DLGAP1: variants seen among roughly 807,000 people sequenced by gnomAD.
DLGAP1 encodes the protein DLG associated protein 1.
DLGAP1 carries 11 observed loss-of-function variants against 90.8 expected under a neutral mutation model. The observed-to-expected ratio is 0.12, with a 90% confidence interval of 0.08 to 0.20. The LOEUF (loss-of-function observed/expected upper bound fraction) is 0.20. Among genes scored for constraint, DLGAP1 ranks in the 10% least tolerant of loss-of-function variants. The pLI, the probability that DLGAP1 is intolerant of heterozygous loss-of-function variation, is 1.00. For missense variants in DLGAP1, 1,050 were observed against 1,333.8 expected, an observed-to-expected ratio of 0.79 and a Z score of 3.31; for synonymous variants, 558 against 540.7, an observed-to-expected ratio of 1.03 and a Z score of -0.44.
intron 5 of DLGAP1, among the ~76,000 whole-genome samples, chr18:3,777,559 A>C (rs957570071): frequency 6.6e-6 from 1 of 152,230 alleles, no homozygotes; most frequent in African/African-American, 2.4e-5. Flanking sequence ...CATATTGAGA[A>C]TAAAGGAAGC....
intron 9 of DLGAP1, among the ~76,000 whole-genome samples, chr18:3,556,292 G>A (rs886539603): frequency 1.8e-5 from 1 of 55,254 alleles, no homozygotes; most frequent in Non-Finnish European, 4.9e-5. Flanking sequence ...AACCTACACT[G>A]GCTGTCATTA....
intron 7 of DLGAP1, among the ~76,000 whole-genome samples, chr18:3,663,226 A>G (rs755838191): frequency 5.3e-5 from 8 of 152,040 alleles, no homozygotes; most frequent in Non-Finnish European, 7.4e-5. Context: ...AGCCGAGATC[A>G]TGCCATTGTA....
intron 1 of DLGAP1, among the ~76,000 whole-genome samples, chr18:4,212,040 T>A (rs2077852499): frequency 6.6e-6 from 1 of 152,200 alleles, no homozygotes; most frequent in African/African-American, 2.4e-5. Context: ...CCACACTTCA[T>A]ACATACAGTT....
intron 2 of DLGAP1, among the ~76,000 whole-genome samples, chr18:4,034,394 T>C (rs2074855088): frequency 6.6e-6 from 1 of 152,118 alleles, no homozygotes; most frequent in Non-Finnish European, 1.5e-5. Context: ...AAGATATTAT[T>C]AATCACATTA....
intron 4 of DLGAP1, among the ~76,000 whole-genome samples, chr18:3,832,783 T>C (rs1028487273): frequency 6.6e-6 from 1 of 152,000 alleles, no homozygotes; most frequent in African/African-American, 2.4e-5. Flanking sequence ...GGAAGAAGTC[T>C]GAAACAGAAA....
At chr18:3,808,372 T>C (rs1418265966) in intron 5 of DLGAP1, among the ~76,000 whole-genome samples, 2 of 152,078 alleles carry the variant, frequency 1.3e-5, no homozygotes, top group Non-Finnish European at 2.9e-5. Context: ...GTATAGAGGA[T>C]AATAGAAGAA....
intron 1 of DLGAP1, among the ~76,000 whole-genome samples, chr18:4,441,787 G>A (rs989217539): frequency 9.2e-5 from 14 of 152,154 alleles, no homozygotes; most frequent in African/African-American, 2.9e-4. Flanking sequence ...ATACATTTCT[G>A]ACAGTTATCA....
chr18:3,945,203 T>C (rs1485993292), intron 3 of DLGAP1, among the ~76,000 whole-genome samples: 1 of 152,188 alleles, frequency 6.6e-6, no homozygotes, highest in Non-Finnish European at 1.5e-5. Flanking sequence ...TTTAAAGAGT[T>C]AACACATATA....
At chr18:3,914,064 G>C (rs907673900) in intron 3 of DLGAP1, among the ~76,000 whole-genome samples, 1 of 152,174 alleles carries the variant, frequency 6.6e-6, no homozygotes, top group Admixed American at 6.5e-5. Flanking sequence ...TTTATGGGTG[G>C]GGGGAATATT....
chr18:3,906,434 G>T lies in DLGAP1; in HGVS notation c.-72-26294C>A, dbSNP rs149674852. On this transcript the variant is annotated intron_variant, in intron 3 of 12. Transcript: ENST00000315677. ...ACCTAATCCACTCACCAGCTTAAGG[G>T]ACACTCTTTATTCCCCCTGAAAACA... 1.8e-3 allele frequency among the ~76,000 whole-genome samples: 276 copies of T among 152,208 alleles called. 1 individual carries two copies. The highest frequency in any genetic ancestry group is 3.1e-3 in the Non-Finnish European group (212 of 68,018).
At chr18:3,925,716 A>G (rs954185524) in intron 3 of DLGAP1, among the ~76,000 whole-genome samples, 9 of 152,230 alleles carry the variant, frequency 5.9e-5, no homozygotes, top group African/African-American at 2.2e-4. Context: ...AAGAAAAAAA[A>G]CCCAATAAAG....
At chr18:3,536,631 A>G (rs1315245966) in intron 9 of DLGAP1, among the ~76,000 whole-genome samples, 1 of 152,184 alleles carries the variant, frequency 6.6e-6, no homozygotes, top group Non-Finnish European at 1.5e-5. Context: ...CGCAAACATC[A>G]GCTTATAGTT....
intron 1 of DLGAP1, among the ~76,000 whole-genome samples, chr18:4,202,797 C>T (rs1172514051): frequency 1.3e-5 from 2 of 152,074 alleles, no homozygotes; most frequent in Non-Finnish European, 2.9e-5. Context: ...AGTGGTTTTA[C>T]AATAAGATTT....
At chr18:4,391,190 T>A (rs556639345) in intron 1 of DLGAP1, among the ~76,000 whole-genome samples, 1 of 152,298 alleles carries the variant, frequency 6.6e-6, no homozygotes, top group African/African-American at 2.4e-5. Flanking sequence ...CTTTCTCAAA[T>A]GCAAGCATTT....
Position 3,519,114 on chromosome 18 carries a change from A to G in DLGAP1, c.2480-10453T>C, listed in dbSNP as rs114560423. Reference sequence around the variant, plus strand: ...CAACTGGCTGCTGGGTGACAGACACACAGAGGAGACAGGACCTTAAAGCAC... The same window carrying G: ...CAACTGGCTGCTGGGTGACAGACACGCAGAGGAGACAGGACCTTAAAGCAC... On this transcript the variant is annotated intron_variant, in intron 10 of 12. Coordinates refer to ENST00000315677, the MANE Select transcript of DLGAP1 (RefSeq NM_004746.4). Among the ~76,000 whole-genome samples, 662 of 152,312 alleles carry G rather than the reference A, an allele frequency of 4.3e-3. 6 individuals are homozygous for G. Among genetic ancestry groups the G allele is most frequent in the African/African-American group, 0.014 (579 of 41,564 alleles).
In DLGAP1 at chr18:4,262,773, C is replaced by T. The variant is rs190284823; in HGVS notation, c.-266-111486G>A. Among the ~76,000 whole-genome samples the T allele has an allele frequency of 4.6e-5, 7 of 152,262 alleles. No homozygotes were observed. The East Asian group carries it at 1.2e-3, about 25-fold the overall frequency. On this transcript the variant is annotated intron_variant, in intron 1 of 12. Transcript: ENST00000315677. ...TGTCCCTGGCAAATTTACTCAATTT[C>T]AGCATGCCTCTGTTTCCATATCTGT...
At chr18:3,965,746 G>T (rs554528430) in intron 3 of DLGAP1, among the ~76,000 whole-genome samples, 2 of 151,836 alleles carry the variant, frequency 1.3e-5, no homozygotes, top group Non-Finnish European at 2.9e-5. Context: ...TCAGGAGTTC[G>T]AGACAAGCCT....
At chr18:3,877,508 C>T (rs2071034216) in intron 4 of DLGAP1, among the ~76,000 whole-genome samples, 1 of 152,202 alleles carries the variant, frequency 6.6e-6, no homozygotes, top group Non-Finnish European at 1.5e-5. Flanking sequence ...AGAACCTTCG[C>T]AGACAAAATG....
At chr18:3,821,492 T>A (rs1259512037) in intron 4 of DLGAP1, among the ~76,000 whole-genome samples, 1 of 152,094 alleles carries the variant, frequency 6.6e-6, no homozygotes, top group Non-Finnish European at 1.5e-5. Context: ...CAGTCGTGGT[T>A]TTTAAAATAA....
Sources: allele counts gnomAD v4.1 joint callset (sites outside exome capture counted in the v4.1 genomes callset), GRCh38; gene constraint gnomAD v4.1.1; transcripts MANE v1.5; gene names NCBI Gene and HGNC (gene_info 2026-07-23, HGNC 2026-07-21).